TULP4: variants seen among roughly 807,000 people sequenced by gnomAD.
TULP4 encodes tubby-related protein 4.
TULP4 carries 16 observed loss-of-function variants against 129.0 expected under a neutral mutation model. That is an observed-to-expected ratio of 0.12 (90% CI 0.08 to 0.19). The LOEUF is 0.19. Ranked by LOEUF, TULP4 falls within the 10% of genes least tolerant of loss-of-function variation. TULP4 has a pLI of 1.00. For synonymous variants in TULP4, 998 were observed against 854.0 expected (o/e 1.17, Z -2.94); for missense variants, 1,842 against 2,059.1 (o/e 0.89, Z 2.04).
intron 6 of TULP4, among the ~76,000 whole-genome samples, chr6:158,477,049 TG>T (rs1383103316): frequency 6.6e-6 from 1 of 152,150 alleles, no homozygotes; most frequent in African/African-American, 2.4e-5. Context: ...AATTCAGGTA[TG>T]TGAGCATTTG....
At chr6:158,236,597 AC>A (rs1359944386) in intron 1 of TULP4, among the ~76,000 whole-genome samples, 2 of 131,366 alleles carry the variant, frequency 1.5e-5, no homozygotes, top group Non-Finnish European at 3.5e-5. Context: ...ACTTTCAGTC[AC>A]CTAAGGCCTC....
chr6:158,452,197 C>T lies in TULP4; in HGVS notation c.788C>T (p.Thr263Ile). 3.7e-6 allele frequency: 6 copies of T among 1,614,232 alleles called. No individual in the cohort carries two copies. Among genetic ancestry groups the T allele is most frequent in the Admixed American group, 3.3e-5 (2 of 60,030 alleles). Residue 263 changes from threonine (T) to isoleucine (I), a missense_variant, in exon 5 of 14, where the codon ACC (threonine) becomes ATC (isoleucine). This residue lies in a region of TULP4 where 456 missense variants were observed against 534.3 expected (regional missense o/e 0.85). Transcript: ENST00000367097. ...NIKPLLTVSF[T>I]SGDISLMNNY... ...AAGCCTCTGCTCACCGTCAGCTTCA[C>T]CTCGGGAGACATCAGCTTAATGAAC...
At chr6:158,279,663 C>G (rs1230882041), upstream of TULP4, among the ~76,000 whole-genome samples, 2 of 152,222 alleles carry the variant, frequency 1.3e-5, no homozygotes, top group African/African-American at 4.8e-5. Context: ...GAGACTCTCT[C>G]TCTCCCAGGC....
At chr6:158,430,016 A>C (rs1172643950) in intron 3 of TULP4, 119 bp downstream of exon 3, 2 of 944,398 alleles carry the variant, frequency 2.1e-6, no homozygotes, top group East Asian at 5.7e-5. Flanking sequence ...AATGGAAAAG[A>C]ACAATAAAAC....
At position 158,351,707 on chromosome 6, in the gene TULP4, C is replaced by CTTTTTTTTTTT. The variant is rs1160814801; in HGVS notation, c.252+37458_252+37468dup. The stretch of plus-strand genomic sequence containing the variant: ...AGTAGCATCTTTTTGTGTTGTTAAA[C>CTTTTTTTTTTT]TTTTTTTTTTTTTTTTTTTTTTTTT... On this transcript the variant is annotated intron_variant, in intron 1 of 13. Transcript: ENST00000367097. Among the ~76,000 whole-genome samples, 4 of 50,520 alleles carry CTTTTTTTTTTT rather than the reference C, an allele frequency of 7.9e-5. 1 individual carries two copies. The highest frequency in any genetic ancestry group is 8.2e-5 in the African/African-American group (1 of 12,262). The allele number at this position is 50,520 out of a possible 152,430, so 33.1% of individuals were successfully genotyped here.
chr6:158,309,875 C>T (rs994335375), upstream of TULP4, among the ~76,000 whole-genome samples: 178 of 103,252 alleles, frequency 1.7e-3, no homozygotes, highest in Non-Finnish European at 3.3e-4. Flanking sequence ...AGAGGGAGAC[C>T]GTGGGAAGAG....
At chr6:158,381,699 A>G (rs1777329930) in intron 1 of TULP4, among the ~76,000 whole-genome samples, 1 of 152,218 alleles carries the variant, frequency 6.6e-6, no homozygotes, top group South Asian at 2.1e-4. Context: ...ATTATGAACT[A>G]TAGAAGTAAA....
chr6:158,316,693 A>G (rs1421081800), intron 1 of TULP4, among the ~76,000 whole-genome samples: 1 of 152,096 alleles, frequency 6.6e-6, no homozygotes, highest in Non-Finnish European at 1.5e-5. Context: ...ACAGTTCTGT[A>G]GTTCTGAAGC....
At chr6:158,331,760 T>TATAC in intron 1 of TULP4, among the ~76,000 whole-genome samples, 1 of 34,794 alleles carries the variant, frequency 2.9e-5, no homozygotes, top group African/African-American at 7.5e-5. Flanking sequence ...TATACACGTG[T>TATAC]ATATATACAC....
intron 1 of TULP4, among the ~76,000 whole-genome samples, chr6:158,395,374 A>AG (rs1214853559): frequency 6.6e-6 from 1 of 151,896 alleles, no homozygotes; most frequent in Non-Finnish European, 1.5e-5. Flanking sequence ...TAAGGTCGGG[A>AG]GTTTGAGACC....
chr6:158,421,674 G>C (rs1042106259), intron 2 of TULP4, among the ~76,000 whole-genome samples: 1 of 152,212 alleles, frequency 6.6e-6, no homozygotes, highest in African/African-American at 2.4e-5. Flanking sequence ...GATGTTAATA[G>C]AGATTCTTTA....
At chr6:158,401,268 T>G (rs1184067198) in intron 1 of TULP4, among the ~76,000 whole-genome samples, 3 of 152,062 alleles carry the variant, frequency 2.0e-5, no homozygotes, top group Admixed American at 6.5e-5. Flanking sequence ...GAGACGGGGT[T>G]TCACCGTGTT....
rs1192201095 is a variant in TULP4 at position 158,511,134 on chromosome 6, AACTTT to A, written c.*4445_*4449del. On this transcript the variant is annotated 3_prime_UTR_variant, in exon 14 of 14. Coordinates refer to ENST00000367097, the MANE Select transcript of TULP4 (RefSeq NM_020245.5). ...CTTTGGCTTTGTGCAATTTTTGTGT[AACTTT>A]ACTTGTACCTATATTTTCTGTTTAC... is the stretch of plus-strand genomic sequence containing the variant. 3 of 152,574 alleles carry A rather than the reference AACTTT, an allele frequency of 2.0e-5. No individual in the cohort carries two copies. Among genetic ancestry groups the A allele is most frequent in the African/African-American group, 2.4e-5 (1 of 41,436 alleles). The allele number at this position is 152,574 out of a possible 1,614,324, so 9.5% of individuals were successfully genotyped here. A position where few individuals can be genotyped will look rare whatever the true frequency, so the allele number is the denominator to read the frequency against.
At chr6:158,248,862 G>A (rs1237382880) in intron 1 of TULP4, among the ~76,000 whole-genome samples, 2 of 152,186 alleles carry the variant, frequency 1.3e-5, no homozygotes, top group African/African-American at 4.8e-5. Flanking sequence ...GCTCACACAT[G>A]TAATCCCAGC....
intron 2 of TULP4, among the ~76,000 whole-genome samples, chr6:158,415,568 G>A (rs1583851569): frequency 6.7e-6 from 1 of 149,532 alleles, no homozygotes; most frequent in Non-Finnish European, 1.5e-5. Context: ...CACCACGTTA[G>A]CCAGGATGGT....
chr6:158,315,293 C>A (rs887926863), intron 1 of TULP4, among the ~76,000 whole-genome samples: 3 of 151,970 alleles, frequency 2.0e-5, no homozygotes, highest in Non-Finnish European at 2.9e-5. Flanking sequence ...TTTTTTATTT[C>A]TTCTTGGTGG....
chr6:158,360,602 G>A (rs1322114321), intron 1 of TULP4, among the ~76,000 whole-genome samples: 6 of 152,160 alleles, frequency 3.9e-5, no homozygotes, highest in Non-Finnish European at 5.9e-5. Flanking sequence ...AAACCAGACA[G>A]TCAGGTAAAA....
At chr6:158,372,115 A>G (rs1453343957) in intron 1 of TULP4, among the ~76,000 whole-genome samples, 3 of 66,936 alleles carry the variant, frequency 4.5e-5, no homozygotes, top group African/African-American at 1.8e-4. Context: ...ATGCCAAGCC[A>G]TTTTCTAGTT....
chr6:158,363,091 G>A (rs1780837145), intron 1 of TULP4, among the ~76,000 whole-genome samples: 1 of 145,796 alleles, frequency 6.9e-6, no homozygotes, highest in African/African-American at 2.5e-5. Flanking sequence ...AAAAGTCACA[G>A]TCTTTGTATT....
Sources: gnomAD v4.1 joint callset for allele counts (sites outside exome capture counted in the v4.1 genomes callset) on GRCh38, gnomAD v4.1.1 for gene constraint, gnomAD v4.1.1 regional missense constraint, MANE v1.5 for transcripts, NCBI Gene and HGNC (gene_info 2026-07-23, HGNC 2026-07-21) for gene names.